MCM6: variants seen among roughly 807,000 people sequenced by gnomAD.
MCM6 encodes minichromosome maintenance complex component 6, also known as DNA replication licensing factor MCM6.
Under a neutral mutation model 94.3 loss-of-function variants are expected in MCM6, and 46 were observed. The ratio of observed to expected loss-of-function variants is 0.49; its 90% CI spans 0.39 to 0.62. The LOEUF (loss-of-function observed/expected upper bound fraction) is 0.62, where lower values mean the gene tolerates loss of function less well. Ranked by LOEUF, MCM6 falls within the 20% of genes least tolerant of loss-of-function variation. The pLI, the probability that MCM6 is intolerant of heterozygous loss-of-function variation, is 0.00. For synonymous variants in MCM6, 335 were observed against 351.9 expected, an observed-to-expected ratio of 0.95 and a Z score of 0.54; for missense variants, 865 against 1,017.9, an observed-to-expected ratio of 0.85 and a Z score of 2.04.
chr2:135,876,432 C>T lies in MCM6; in HGVS notation c.-67G>A. On this transcript the variant is annotated 5_prime_UTR_variant, in exon 1 of 17. Transcript: ENST00000264156. The stretch of plus-strand genomic sequence containing the variant: ...GCCACAAGTCGCTTTTTTCCAGACG[C>T]TGCAGCTTTGCGCGCGCCGCCGCCG... 1 of 1,373,118 alleles carries T rather than the reference C, an allele frequency of 7.3e-7. No individual in the cohort carries two copies. The highest frequency in any genetic ancestry group is 9.8e-7 in the Non-Finnish European group (1 of 1,023,604). The allele number at this position is 1,373,118 out of a possible 1,614,324, so 85.1% of individuals were successfully genotyped here.
chr2:135,844,494 C>T, intron 16 of MCM6, 51 bp downstream of exon 16: 1 of 1,396,918 alleles, frequency 7.2e-7, no homozygotes, highest in Non-Finnish European at 9.3e-7. Flanking sequence ...AGATACAGGG[C>T]ATGAACTCCC....
intron 11 of MCM6, among the ~76,000 whole-genome samples, chr2:135,853,937 G>C (rs960167954): frequency 6.6e-6 from 1 of 152,184 alleles, no homozygotes; most frequent in African/African-American, 2.4e-5. Context: ...TAATTAAGAA[G>C]TTGTCTGGGC....
chr2:135,875,821 C>CCA (rs1312773813), intron 1 of MCM6, among the ~76,000 whole-genome samples: 1 of 152,198 alleles, frequency 6.6e-6, no homozygotes, highest in East Asian at 1.9e-4. Context: ...CTGCGAACCC[C>CCA]CAGCACCATG....
At chr2:135,863,543 C>T (rs1055416009) in intron 7 of MCM6, among the ~76,000 whole-genome samples, 2 of 151,610 alleles carry the variant, frequency 1.3e-5, no homozygotes, top group Admixed American at 6.6e-5. Flanking sequence ...CCAGGCAACA[C>T]GGTAAAACCC....
At position 135,840,942 on chromosome 2, in the gene MCM6, G is replaced by T; in HGVS notation, c.2359C>A (p.Leu787Ile). The stretch of plus-strand genomic sequence containing the variant: ...AATCCAGCCTGGGTGAGCTCAATTA[G>T]AACATGATCCTGTGAAACACAAATA... ...IHRLTHYDHV[L>I]IELTQAGLKG... is the part of the protein sequence containing the mutation. Residue 787 changes from leucine to isoleucine, a missense_variant, in exon 17 of 17, where the codon CTA (leucine) becomes ATA (isoleucine). By Grantham distance (5) the Leu-to-Ile change is conservative (BLOSUM62 2). Around this residue, in one of 3 missense-constraint regions of MCM6, gnomAD observed 308 missense variants for 324.5 expected, o/e 0.95. Transcript: ENST00000264156. 1 of 1,612,524 alleles carries T rather than the reference G, an allele frequency of 6.2e-7. No individual in the cohort carries two copies. The highest frequency in any genetic ancestry group is 2.2e-5 in the East Asian group (1 of 44,874).
At chr2:135,849,327 G>C (rs1249036734) in intron 13 of MCM6, among the ~76,000 whole-genome samples, 5 of 152,152 alleles carry the variant, frequency 3.3e-5, no homozygotes. Flanking sequence ...CTGAATCTCT[G>C]AGTAACTTGA....
At chr2:135,849,529 G>A (rs1309882914) in intron 13 of MCM6, among the ~76,000 whole-genome samples, 1 of 152,146 alleles carries the variant, frequency 6.6e-6, no homozygotes, top group African/African-American at 2.4e-5. Flanking sequence ...AAAAATACCA[G>A]GTTTTTCTTT....
chr2:135,862,301 TAATAAAA>T (rs1558760577), intron 8 of MCM6, among the ~76,000 whole-genome samples: 5 of 105,826 alleles, frequency 4.7e-5, no homozygotes, highest in African/African-American at 2.4e-4. Flanking sequence ...TTTATACAAA[TAATAAAA>T]TTTGTATAAA....
chr2:135,859,674 C>T (rs907028860), intron 8 of MCM6, among the ~76,000 whole-genome samples: 1 of 152,016 alleles, frequency 6.6e-6, no homozygotes. Flanking sequence ...ACAATCTCAG[C>T]TCACTGCAAC....
chr2:135,874,892 T>C (rs1487369465), intron 1 of MCM6, among the ~76,000 whole-genome samples: 2 of 152,196 alleles, frequency 1.3e-5, no homozygotes, highest in Non-Finnish European at 2.9e-5. Flanking sequence ...AGGAACCTTG[T>C]AGACATTATG....
In MCM6 at chr2:135,862,987, A is replaced by G. The variant is rs184625409; in HGVS notation, c.1079-239T>C. 5.9e-5 allele frequency among the ~76,000 whole-genome samples: 9 copies of G among 152,284 alleles called. 1 individual carries two copies. The highest frequency in any genetic ancestry group is 1.7e-4 in the African/African-American group (7 of 41,556). ...CACAGATGTCACCGTGCCAGTGCTC[A>G]CCATCCTAAGAGCCTTTACTTGTCC... On this transcript the variant is annotated intron_variant, in intron 7 of 16. Coordinates refer to ENST00000264156, the MANE Select transcript of MCM6 (RefSeq NM_005915.6).
chr2:135,861,038 A>G (rs1248501192), intron 8 of MCM6, among the ~76,000 whole-genome samples: 2 of 151,944 alleles, frequency 1.3e-5, no homozygotes, highest in Admixed American at 1.3e-4. Flanking sequence ...TTTCTTTTTG[A>G]GGGGGGAGAA....
intron 1 of MCM6, 66 bp downstream of exon 1, chr2:135,876,193 G>T: frequency 1.5e-6 from 2 of 1,295,182 alleles, no homozygotes; most frequent in Non-Finnish European, 2.1e-6. Flanking sequence ...CGCCCACACG[G>T]CACCGCCTGG....
intron 1 of MCM6, among the ~76,000 whole-genome samples, chr2:135,874,499 A>G (rs1680261307): frequency 6.6e-6 from 1 of 152,240 alleles, no homozygotes; most frequent in Non-Finnish European, 1.5e-5. Flanking sequence ...TTTCCTAAGA[A>G]GGCAGCATTA....
intron 2 of MCM6, among the ~76,000 whole-genome samples, chr2:135,870,743 T>C (rs1680185543): frequency 6.6e-6 from 1 of 152,142 alleles, no homozygotes; most frequent in Non-Finnish European, 1.5e-5. Flanking sequence ...GTCAAGTCAG[T>C]CAATTTCTTT....
At chr2:135,865,294 TA>T (rs992170200) in intron 6 of MCM6, 131 bp from the exon 7 acceptor site, 111 of 546,488 alleles carry the variant, frequency 2.0e-4, no homozygotes, top group Non-Finnish European at 2.6e-4. Flanking sequence ...TGTAAAGGTT[TA>T]AAAAAAAACA....
intron 2 of MCM6, 104 bp from the exon 3 acceptor site, chr2:135,870,465 A>G (rs573736800): frequency 5.1e-6 from 4 of 776,922 alleles, no homozygotes; most frequent in South Asian, 4.6e-5. Flanking sequence ...TCTGGTTACA[A>G]CTAAACCTTA....
rs764982636 is a variant in MCM6, at chr2:135,868,795, G to A, written c.431C>T (p.Thr144Ile). ...CACAAGCTCTGGGTGAACTGGGTGA[G>A]TCCGCACCACCTGCCCACTGATGCG... ...LTRISGQVVRTHPVHPELVSG... is the reference protein window; with the variant it reads ...LTRISGQVVRIHPVHPELVSG... Residue 144 changes from threonine to isoleucine, a missense_variant, in exon 4 of 17, where the codon ACT becomes ATT. Transcript: ENST00000264156. The A allele has an allele frequency of 1.9e-6, 3 of 1,614,162 alleles. No individual in the cohort carries two copies.
chr2:135,858,677 G>GTTATAT (rs1679934712), intron 9 of MCM6, among the ~76,000 whole-genome samples: 1 of 152,100 alleles, frequency 6.6e-6, no homozygotes, highest in African/African-American at 2.4e-5. Flanking sequence ...AAAACTAAGA[G>GTTATAT]CATAACTAAA....
Sources: gnomAD v4.1 joint callset for allele counts (sites outside exome capture counted in the v4.1 genomes callset) on GRCh38, gnomAD v4.1.1 for gene constraint, gnomAD v4.1.1 regional missense constraint, MANE v1.5 for transcripts, NCBI Gene and HGNC (gene_info 2026-07-23, HGNC 2026-07-21) for gene names.